The following KSR2 variants were observed in gnomAD, a reference collection of about 807,000 sequenced individuals.
KSR2 encodes kinase suppressor of ras 2.
In KSR2, 25 loss-of-function variants were observed where a neutral mutation model predicts 107.8. The observed-to-expected ratio is 0.23, with a 90% CI of 0.17 to 0.32. The LOEUF (loss-of-function observed/expected upper bound fraction) is 0.32, where lower values mean the gene tolerates loss of function less well. Among genes scored for constraint, KSR2 ranks in the 10% least tolerant of loss-of-function variants. The pLI is 1.00. For missense variants in KSR2, 887 were observed against 1,268.9 expected, an observed-to-expected ratio of 0.70 and a Z score of 4.57; for synonymous variants, 480 against 507.0, an observed-to-expected ratio of 0.95 and a Z score of 0.71.
intron 1 of KSR2, chr12:117,891,058 A>T (rs1471583054): frequency 2.0e-5 from 3 of 152,218 alleles, no homozygotes; most frequent in Non-Finnish European, 4.4e-5. Flanking sequence ...AAAAAACATA[A>T]GTGAAATTCC....
intron 10 of KSR2, 66 bp from the exon 11 acceptor site, chr12:117,531,773 G>A: frequency 7.9e-7 from 1 of 1,259,012 alleles, no homozygotes; most frequent in Non-Finnish European, 1.1e-6. Flanking sequence ...GGACCAGATT[G>A]AGCTCTTACA....
chr12:117,788,808 C>T (rs755612095), intron 3 of KSR2, among the ~76,000 whole-genome samples: 4 of 152,158 alleles, frequency 2.6e-5, no homozygotes, highest in Admixed American at 6.5e-5. Flanking sequence ...CCACATTGCC[C>T]GGCCTCCAGA....
rs548870403 is a variant in KSR2, at chr12:117,741,212, A to G, written c.986+19799T>C. On this transcript the variant is annotated intron_variant, in intron 4 of 19. Transcript: ENST00000339824. Reference sequence around the variant, plus strand: ...CTATTGAATGAAATAAGAATCTATGAGTCTACACTGATACAAGTAGAGAGC... The same window carrying G: ...CTATTGAATGAAATAAGAATCTATGGGTCTACACTGATACAAGTAGAGAGC... Among the ~76,000 whole-genome samples the G allele has an allele frequency of 9.9e-5, 15 of 152,122 alleles. No individual in the cohort carries two copies. In the South Asian group the frequency reaches 3.1e-3, roughly 32 times the overall value.
At chr12:117,771,951 T>C (rs1593220930) in intron 3 of KSR2, among the ~76,000 whole-genome samples, 2 of 145,336 alleles carry the variant, frequency 1.4e-5, no homozygotes, top group South Asian at 2.2e-4. Flanking sequence ...ATACACACCA[T>C]TCCATCAAAG....
At chr12:117,790,926 G>T (rs1274335811) in intron 3 of KSR2, among the ~76,000 whole-genome samples, 1 of 152,088 alleles carries the variant, frequency 6.6e-6, no homozygotes, top group Non-Finnish European at 1.5e-5. Context: ...TGGTCTCTCT[G>T]ACTCCCCTCT....
In KSR2 at chr12:117,535,790, C is replaced by A. The variant is rs143856384; in HGVS notation, c.1687+3929G>T. On this transcript the variant is annotated intron_variant, in intron 10 of 19. Transcript: ENST00000339824. Reference sequence around the variant, plus strand: ...ATCTGTCTTGCCATGATGGATGCTACCACAACTCTGCTCATCAGTAGCAGT... The same window carrying A: ...ATCTGTCTTGCCATGATGGATGCTAACACAACTCTGCTCATCAGTAGCAGT... 4.6e-5 allele frequency among the ~76,000 whole-genome samples: 7 copies of A among 152,208 alleles called. No homozygotes were observed. In the East Asian group the frequency reaches 1.3e-3, roughly 29 times the overall value.
chr12:117,840,076 T>TTTTATTTTATTTTAC (rs1892400129), intron 3 of KSR2, among the ~76,000 whole-genome samples: 2 of 150,458 alleles, frequency 1.3e-5, no homozygotes, highest in Non-Finnish European at 2.9e-5. Context: ...TTTTTTCCCA[T>TTTTATTTTATTTTAC]TTTATTTTAT....
At chr12:117,664,124 G>A (rs372232822) in intron 5 of KSR2, among the ~76,000 whole-genome samples, 16 of 152,272 alleles carry the variant, frequency 1.1e-4, no homozygotes, top group African/African-American at 2.4e-4. Flanking sequence ...CTCCATGAGC[G>A]AAGGCTCCTG....
At chr12:117,609,460 A>AT (rs1193266511) in intron 5 of KSR2, among the ~76,000 whole-genome samples, 1 of 152,202 alleles carries the variant, frequency 6.6e-6, no homozygotes, top group Non-Finnish European at 1.5e-5. Context: ...TGTATTTTTT[A>AT]TTTTTTGTAT....
intron 14 of KSR2, among the ~76,000 whole-genome samples, chr12:117,518,645 G>A (rs573985012): frequency 2.6e-5 from 4 of 152,312 alleles, no homozygotes; most frequent in East Asian, 1.9e-4. Context: ...AAAACCTTAC[G>A]TGGGCTTCCC....
At chr12:117,524,722 G>A in intron 14 of KSR2, 130 bp downstream of exon 14, 1 of 1,128,446 alleles carries the variant, frequency 8.9e-7, no homozygotes, top group South Asian at 1.7e-5. Context: ...AACCATGTAA[G>A]TAAACTGTGC....
chr12:117,523,216 T>A (rs1874877948), intron 14 of KSR2, among the ~76,000 whole-genome samples: 1 of 152,160 alleles, frequency 6.6e-6, no homozygotes, highest in Admixed American at 6.5e-5. Flanking sequence ...TTAAGAAGGT[T>A]TTGTCTCACA....
At chr12:117,681,257 C>A (rs779287675) in intron 4 of KSR2, among the ~76,000 whole-genome samples, 7 of 152,244 alleles carry the variant, frequency 4.6e-5, no homozygotes, top group Non-Finnish European at 8.8e-5. Context: ...GTGGCAAGGC[C>A]AGAACCCATC....
Position 117,667,451 on chromosome 12 carries a change from T to C in KSR2, c.1171+23A>G, listed in dbSNP as rs1434172124. 2.5e-6 allele frequency: 4 copies of C among 1,601,492 alleles called. No individual in the cohort carries two copies. In the East Asian group the frequency reaches 9.0e-5, roughly 36 times the overall value. On this transcript the variant is annotated intron_variant, in intron 5 of 19. Transcript: ENST00000339824. ...GAGGTGGCATGGCAAGCGTTCCCAG[T>C]GCAGCCCGGCAGGGTGACTTACTTG...
intron 12 of KSR2, among the ~76,000 whole-genome samples, chr12:117,528,354 T>C (rs1875368798): frequency 6.6e-6 from 1 of 152,166 alleles, no homozygotes; most frequent in South Asian, 2.1e-4. Context: ...AGAACTGGGC[T>C]ATTGAAGGCA....
At chr12:117,672,453 CT>C (rs1884950365) in intron 4 of KSR2, among the ~76,000 whole-genome samples, 1 of 152,030 alleles carries the variant, frequency 6.6e-6, no homozygotes, top group Non-Finnish European at 1.5e-5. Context: ...TGTGAGAATT[CT>C]ATGAGATAAC....
In KSR2 at chr12:117,808,756, T is replaced by TCTG. The variant is rs200822162; in HGVS notation, c.472+46671_472+46672insCAG. On this transcript the variant is annotated intron_variant, in intron 3 of 19. Transcript: ENST00000339824. ...TCGTTGCCATCCTTCCAATGAAACC[T>TCTG]GCTCATTCCCACTCTGGCTAGCTGA... 7.7e-3 allele frequency among the ~76,000 whole-genome samples: 1,178 copies of TCTG among 152,290 alleles called. 80 individuals carry two copies. In the East Asian group the frequency reaches 0.18, roughly 23 times the overall value.
chr12:117,964,609 T>C (rs551020038), intron 1 of KSR2, among the ~76,000 whole-genome samples: 1 of 152,320 alleles, frequency 6.6e-6, no homozygotes, highest in Non-Finnish European at 1.5e-5. Context: ...ATGCCAATCA[T>C]TATCATCATC....
chr12:117,888,426 G>C (rs1471598548), intron 1 of KSR2, among the ~76,000 whole-genome samples: 1 of 152,184 alleles, frequency 6.6e-6, no homozygotes, highest in Non-Finnish European at 1.5e-5. Context: ...AGGAGTGGGA[G>C]TGATGGGGAG....
Sources: gnomAD v4.1 joint callset for allele counts (sites outside exome capture counted in the v4.1 genomes callset) on GRCh38, gnomAD v4.1.1 for gene constraint, MANE v1.5 for transcripts, NCBI Gene and HGNC (gene_info 2026-07-23, HGNC 2026-07-21) for gene names.